LSAMP: variants seen among roughly 807,000 people sequenced by gnomAD.
LSAMP encodes limbic system associated membrane protein, also known as limbic system-associated membrane protein.
In LSAMP, 7 loss-of-function variants were observed where a neutral mutation model predicts 38.6. That is an observed-to-expected ratio of 0.18 (90% CI 0.10 to 0.34). The LOEUF (loss-of-function observed/expected upper bound fraction) is 0.34, where lower values mean the gene tolerates loss of function less well. LSAMP is among the 10% of genes least tolerant of loss of function. LSAMP has a pLI of 1.00. For synonymous variants in LSAMP, 154 were observed against 166.8 expected (o/e 0.92, Z 0.59); for missense variants, 313 against 420.0 (o/e 0.75, Z 2.23).
intron 3 of LSAMP, among the ~76,000 whole-genome samples, chr3:115,933,811 A>G (rs1205560343): frequency 6.6e-6 from 1 of 152,228 alleles, no homozygotes; most frequent in Non-Finnish European, 1.5e-5. Flanking sequence ...TCAAAGCTGC[A>G]GTGCCCTCCG....
chr3:116,158,666 A>G (rs1346830895), intron 1 of LSAMP, among the ~76,000 whole-genome samples: 2 of 152,150 alleles, frequency 1.3e-5, no homozygotes. Context: ...CTCTACAACA[A>G]CAATTACAAA....
intron 1 of LSAMP, among the ~76,000 whole-genome samples, chr3:116,186,395 T>G (rs1710617567): frequency 6.6e-6 from 1 of 152,148 alleles, no homozygotes; most frequent in South Asian, 2.1e-4. Flanking sequence ...ATCTCTATCT[T>G]GAGTGATACA....
chr3:116,280,213 G>A (rs913478983), intron 1 of LSAMP, among the ~76,000 whole-genome samples: 11 of 152,210 alleles, frequency 7.2e-5, no homozygotes, highest in African/African-American at 2.2e-4. Context: ...ATATTTCACC[G>A]AAATCACATT....
At chr3:116,249,121 C>G (rs577773493) in intron 1 of LSAMP, among the ~76,000 whole-genome samples, 25 of 142,568 alleles carry the variant, frequency 1.8e-4, no homozygotes, top group African/African-American at 6.4e-4. Flanking sequence ...TGCACTCCAG[C>G]CTGGGTGACA....
chr3:116,387,128 A>G (rs780569891), intron 1 of LSAMP, among the ~76,000 whole-genome samples: 3 of 152,164 alleles, frequency 2.0e-5, no homozygotes, highest in Non-Finnish European at 1.5e-5. Context: ...ATATGTAACT[A>G]AAAAAGGTTT....
chr3:116,021,405 C>T (rs750991356), intron 2 of LSAMP, among the ~76,000 whole-genome samples: 5 of 151,806 alleles, frequency 3.3e-5, no homozygotes, highest in Non-Finnish European at 7.4e-5. Context: ...ATTCAGAGCT[C>T]CTGAATGTCC....
intron 1 of LSAMP, among the ~76,000 whole-genome samples, chr3:116,202,139 T>C (rs776613236): frequency 1.4e-5 from 2 of 143,952 alleles, no homozygotes; most frequent in Non-Finnish European, 3.1e-5. Flanking sequence ...CTTTCCTTTC[T>C]TTTCTTTTTT....
At chr3:116,419,085 G>A (rs1318544883) in intron 1 of LSAMP, among the ~76,000 whole-genome samples, 5 of 152,162 alleles carry the variant, frequency 3.3e-5, no homozygotes, top group South Asian at 2.1e-4. Flanking sequence ...GTGCTACCCT[G>A]TGTCTCCTAT....
intron 1 of LSAMP, among the ~76,000 whole-genome samples, chr3:116,178,539 C>G (rs1191058916): frequency 1.3e-5 from 2 of 152,086 alleles, no homozygotes; most frequent in Non-Finnish European, 2.9e-5. Context: ...GTACCTAAAC[C>G]AGCAACATAC....
chr3:116,294,123 C>T (rs748418284), intron 1 of LSAMP, among the ~76,000 whole-genome samples: 6 of 152,204 alleles, frequency 3.9e-5, no homozygotes, highest in Middle Eastern at 3.4e-3. Flanking sequence ...CCCACACACA[C>T]GCCCCTACTA....
At chr3:116,387,140 T>C (rs2048636237) in intron 1 of LSAMP, among the ~76,000 whole-genome samples, 1 of 152,168 alleles carries the variant, frequency 6.6e-6, no homozygotes, top group Admixed American at 6.5e-5. Context: ...AAAAGGTTTC[T>C]AATAATGTAG....
chr3:116,345,604 T>A (rs1017072271), intron 1 of LSAMP, among the ~76,000 whole-genome samples: 1 of 152,064 alleles, frequency 6.6e-6, no homozygotes, highest in Non-Finnish European at 1.5e-5. Flanking sequence ...TCATTGATTT[T>A]TAAAATTTTA....
At chr3:115,907,609 C>G (rs753876389) in intron 3 of LSAMP, among the ~76,000 whole-genome samples, 3 of 152,140 alleles carry the variant, frequency 2.0e-5, no homozygotes, top group Non-Finnish European at 4.4e-5. Flanking sequence ...TCTCTTCGGG[C>G]TACTTCCCCA....
chr3:115,813,606 T>G (rs916548295), intron 6 of LSAMP, among the ~76,000 whole-genome samples: 1 of 152,202 alleles, frequency 6.6e-6, no homozygotes, highest in Admixed American at 6.5e-5. Context: ...TGTACTTATA[T>G]GACTTACTCT....
intron 3 of LSAMP, among the ~76,000 whole-genome samples, chr3:115,970,328 G>T (rs1938973885): frequency 6.6e-6 from 1 of 152,154 alleles, no homozygotes; most frequent in Non-Finnish European, 1.5e-5. Flanking sequence ...AGGATAGATT[G>T]CTTTTCCCTT....
chr3:116,359,257 G>A (rs550573058), intron 1 of LSAMP, among the ~76,000 whole-genome samples: 1 of 152,192 alleles, frequency 6.6e-6, no homozygotes, highest in South Asian at 2.1e-4. Flanking sequence ...ATTTTCCCTT[G>A]AGTTAGCAGG....
At chr3:116,062,619 G>A (rs1427981085) in intron 2 of LSAMP, among the ~76,000 whole-genome samples, 2 of 152,012 alleles carry the variant, frequency 1.3e-5, no homozygotes, top group African/African-American at 4.8e-5. Flanking sequence ...AGACATAGAC[G>A]GGATCTGTGC....
At chr3:116,235,463 G>A (rs140817838) in intron 1 of LSAMP, among the ~76,000 whole-genome samples, 4 of 151,948 alleles carry the variant, frequency 2.6e-5, no homozygotes, top group African/African-American at 7.3e-5. Flanking sequence ...GTGCACAAAA[G>A]GGAGAAATGG....
intron 1 of LSAMP, among the ~76,000 whole-genome samples, chr3:116,280,182 T>C (rs2047110214): frequency 6.6e-6 from 1 of 152,138 alleles, no homozygotes; most frequent in Non-Finnish European, 1.5e-5. Context: ...AATCAATACA[T>C]AACAACTTTT....
Sources: allele counts gnomAD v4.1 joint callset (sites outside exome capture counted in the v4.1 genomes callset), GRCh38; gene constraint gnomAD v4.1.1; transcripts MANE v1.5; gene names NCBI Gene and HGNC (gene_info 2026-07-23, HGNC 2026-07-21).